Variants in FHAD1 observed in about 807,000 individuals in gnomAD.
FHAD1 encodes the protein forkhead-associated domain-containing protein 1.
Under a neutral mutation model 191.3 loss-of-function variants are expected in FHAD1, and 146 were observed. That is an observed-to-expected ratio of 0.76 (90% CI 0.67 to 0.88). FHAD1 has a LOEUF of 0.88. Among genes scored for constraint, FHAD1 ranks in the 40% least tolerant of loss-of-function variants. FHAD1 has a pLI of 0.00. For synonymous variants in FHAD1, 616 were observed against 672.3 expected (o/e 0.92, Z 1.29); for missense variants, 1,635 against 1,785.8 (o/e 0.92, Z 1.52).
chr1:15,374,736 G>A, intron 27 of FHAD1, 105 bp downstream of exon 27: 2 of 1,405,362 alleles, frequency 1.4e-6, no homozygotes, highest in Non-Finnish European at 1.9e-6. Flanking sequence ...CATCATCCCA[G>A]AACTTGGAGG....
rs41270245 is a variant in FHAD1, at chr1:15,374,544, C to T, written c.3490C>T (p.Arg1164Trp). The change falls in exon 27 of 34, where the codon CGG (arginine) becomes TGG (tryptophan). Residue 1164 changes from arginine to tryptophan, a missense_variant. By Grantham distance (101) the Arg-to-Trp change is moderately radical. Transcript: ENST00000688493. ...SDLGVRCKGS[R>W]HEEVIQRQKK... The stretch of plus-strand genomic sequence containing the variant: ...TCTAGGGGTCAGGTGCAAAGGGTCC[C>T]GGCACGAGGAGGTCATTCAGCGTCA... 220 of 1,551,742 alleles carry T rather than the reference C, an allele frequency of 1.4e-4. 3 individuals carry two copies. The Middle Eastern group carries it at 2.3e-3, about 16-fold the overall frequency.
rs1557982085 is a variant in FHAD1, at chr1:15,276,889, G to A, written c.300+4360G>A. 6.6e-6 allele frequency among the ~76,000 whole-genome samples: 1 copy of A among 151,980 alleles called. No individual in the cohort carries two copies. Among genetic ancestry groups the A allele is most frequent in the Admixed American group, 6.6e-5 (1 of 15,258 alleles). ...AAGATGGCACCCCCTGGAGTTGTGC[G>A]AGGCATAACCTACAGGGCCATTTGC... On this transcript the variant is annotated intron_variant, in intron 3 of 33. Transcript: ENST00000688493. This position sits in a 1 kb window ranked among gnomAD's most constrained non-coding sequence, Gnocchi z 4.7.
chr1:15,399,797 A>G (rs933856274), downstream of FHAD1, among the ~76,000 whole-genome samples: 2 of 152,222 alleles, frequency 1.3e-5, no homozygotes, highest in Non-Finnish European at 2.9e-5. Flanking sequence ...TGGAATAAAT[A>G]TGCAACAAGG....
chr1:15,305,630 A>G (rs1364085934), intron 6 of FHAD1: 1 of 227,656 alleles, frequency 4.4e-6, no homozygotes, highest in Non-Finnish European at 9.0e-6. Flanking sequence ...ACCCAGCAGG[A>G]GGTAATTGAA....
Position 15,381,715 on chromosome 1 carries a change from T to C in FHAD1, c.4022+264T>C, listed in dbSNP as rs1356877110. Among the ~76,000 whole-genome samples, 2 of 149,884 alleles carry C rather than the reference T, an allele frequency of 1.3e-5. No homozygotes were observed. The highest frequency in any genetic ancestry group is 3.0e-5 in the Non-Finnish European group (2 of 67,312). On this transcript the variant is annotated intron_variant, in intron 30 of 33. Transcript: ENST00000688493. The surrounding 1 kb of genome is among the most constrained non-coding windows in gnomAD (Gnocchi z 4.6). ...TGCAAGCTGCACCTCTTGCGACCCT[T>C]GACTTATGGTTTCCCAGTTGTGTAG...
Position 15,311,439 on chromosome 1 carries a change from A to G in FHAD1, c.1040-1618A>G, listed in dbSNP as rs967103409. 6.6e-6 allele frequency among the ~76,000 whole-genome samples: 1 copy of G among 152,200 alleles called. No individual in the cohort carries two copies. The highest frequency in any genetic ancestry group is 2.4e-5 in the African/African-American group (1 of 41,454). On this transcript the variant is annotated intron_variant, in intron 7 of 33. Transcript: ENST00000688493. The surrounding 1 kb of genome is among the most constrained non-coding windows in gnomAD (Gnocchi z 4.1). ...AGAATGGGGCAACCTTGCACTACAC[A>G]GGGCACCTGGTAGAGACTCAAGCCA...
At chr1:15,388,767 C>T (rs1438150798) in intron 32 of FHAD1, among the ~76,000 whole-genome samples, 2 of 152,104 alleles carry the variant, frequency 1.3e-5, no homozygotes, top group Non-Finnish European at 2.9e-5. Flanking sequence ...TGGATGGATG[C>T]TCGTAAGTGC....
intron 7 of FHAD1, among the ~76,000 whole-genome samples, chr1:15,310,521 A>G (rs1029633796): frequency 2.0e-5 from 3 of 152,176 alleles, no homozygotes; most frequent in African/African-American, 7.2e-5. Flanking sequence ...AAGGAGTCAG[A>G]CAGACCTGGG....
chr1:15,369,625 T>C (rs1360568873), intron 26 of FHAD1, 123 bp downstream of exon 26: 1 of 1,157,372 alleles, frequency 8.6e-7, no homozygotes, highest in African/African-American at 1.6e-5. Flanking sequence ...TGGTGTGAAA[T>C]GTATAAAGTA....
intron 5 of FHAD1, 75 bp from the exon 6 acceptor site, chr1:15,301,130 C>T: frequency 3.0e-6 from 4 of 1,343,994 alleles, no homozygotes; most frequent in Non-Finnish European, 4.1e-6. Flanking sequence ...GCACCCGGCC[C>T]CTACTTTTTT....
Position 15,289,614 on chromosome 1 carries a change from G to A in FHAD1, c.516G>A (p.Glu172=), listed in dbSNP as rs770035480. The stretch of plus-strand genomic sequence containing the variant: ...GGCGGCCTGTGAGCGCCAACAAGGA[G>A]ATGTTCTCGTTCGTGGTGGACGACG... ...SHRRPVSANK[E]MFSFVVDDAR... The change falls in exon 4 of 34, where the codon GAG becomes GAA. Residue 172 remains glutamate (E), a synonymous_variant. Coordinates refer to ENST00000688493, the MANE Select transcript of FHAD1 (RefSeq NM_001391957.1). This position sits in a 1 kb window ranked among gnomAD's most constrained non-coding sequence, Gnocchi z 4.2. 1 of 1,551,664 alleles carries A rather than the reference G, an allele frequency of 6.4e-7. No individual in the cohort carries two copies. Among genetic ancestry groups the A allele is most frequent in the Non-Finnish European group, 8.7e-7 (1 of 1,146,932 alleles).
At chr1:15,382,773 A>G (rs1701207372) in intron 31 of FHAD1, among the ~76,000 whole-genome samples, 1 of 152,226 alleles carries the variant, frequency 6.6e-6, no homozygotes, top group Admixed American at 6.5e-5. Context: ...TGGTTAGAAC[A>G]TGCAGCGAGG....
chr1:15,303,597 C>A (rs1332854010), intron 6 of FHAD1, among the ~76,000 whole-genome samples: 1 of 152,206 alleles, frequency 6.6e-6, no homozygotes, highest in Non-Finnish European at 1.5e-5. Flanking sequence ...CGCCTGTAAT[C>A]CCAGCACTTT....
At chr1:15,385,299 CAA>C (rs530449244) in intron 31 of FHAD1, among the ~76,000 whole-genome samples, 118 of 152,226 alleles carry the variant, frequency 7.8e-4, no homozygotes, top group African/African-American at 2.7e-3. Flanking sequence ...AACATTTTCA[CAA>C]AGAGTCGATT....
At chr1:15,355,202 C>G (rs1454839914) in intron 20 of FHAD1, among the ~76,000 whole-genome samples, 2 of 147,974 alleles carry the variant, frequency 1.4e-5, no homozygotes, top group Admixed American at 6.6e-5. Context: ...GAGTGAGACT[C>G]CTTCTCAAAA....
chr1:15,401,159 CAGAA>C (rs1707116454), downstream of FHAD1, among the ~76,000 whole-genome samples: 1 of 152,198 alleles, frequency 6.6e-6, no homozygotes. Context: ...CTAACTTAAA[CAGAA>C]AGAGAGTTTA....
chr1:15,366,163 G>A (rs1011829397), intron 24 of FHAD1, among the ~76,000 whole-genome samples: 4 of 151,922 alleles, frequency 2.6e-5, no homozygotes, highest in Non-Finnish European at 2.9e-5. Flanking sequence ...GTGGGCACCT[G>A]TAATCCCAGC....
chr1:15,400,709 C>T (rs1707084849), downstream of FHAD1, among the ~76,000 whole-genome samples: 1 of 152,204 alleles, frequency 6.6e-6, no homozygotes, highest in African/African-American at 2.4e-5. Flanking sequence ...GGTTGAGAAA[C>T]CTGGTCTAGA....
rs546584187 is a variant in FHAD1 at position 15,370,107 on chromosome 1, G to T, written c.3447+605G>T. Reference sequence around the variant, plus strand: ...TCCTCCTGCCTCAGCCTCCCTAGTAGCTGGGACTACAGACGCACACCACCA... The same window carrying T: ...TCCTCCTGCCTCAGCCTCCCTAGTATCTGGGACTACAGACGCACACCACCA... On this transcript the variant is annotated intron_variant, in intron 26 of 33. Coordinates refer to ENST00000688493, the MANE Select transcript of FHAD1 (RefSeq NM_001391957.1). Among the ~76,000 whole-genome samples the T allele has an allele frequency of 3.9e-5, 6 of 152,224 alleles. No individual in the cohort carries two copies. In the East Asian group the frequency reaches 1.2e-3, roughly 29 times the overall value.
Sources: allele counts gnomAD v4.1 joint callset (sites outside exome capture counted in the v4.1 genomes callset), GRCh38; gene constraint gnomAD v4.1.1; non-coding constraint Gnocchi (gnomAD v3.1); transcripts MANE v1.5; gene names NCBI Gene and HGNC (gene_info 2026-07-23, HGNC 2026-07-21).